Variants in NAV1 observed in about 807,000 individuals in gnomAD.
NAV1 encodes the protein neuron navigator 1, also known as pore membrane and/or filament interacting like protein 3.
Under a neutral mutation model 175.2 loss-of-function variants are expected in NAV1, and 18 were observed. The ratio of observed to expected loss-of-function variants is 0.10; its 90% CI spans 0.07 to 0.15. The LOEUF (loss-of-function observed/expected upper bound fraction) is 0.15, where lower values mean the gene tolerates loss of function less well. Ranked by LOEUF, NAV1 falls within the 10% of genes least tolerant of loss-of-function variation. The pLI, the probability that NAV1 is intolerant of heterozygous loss-of-function variation, is 1.00. For synonymous variants in NAV1, 897 were observed against 978.7 expected, an observed-to-expected ratio of 0.92 and a Z score of 1.56; for missense variants, 1,731 against 2,436.6, an observed-to-expected ratio of 0.71 and a Z score of 6.10.
intron 3 of NAV1, among the ~76,000 whole-genome samples, chr1:201,746,303 G>T (rs896120462): frequency 6.6e-6 from 1 of 152,176 alleles, no homozygotes; most frequent in African/African-American, 2.4e-5. Context: ...ACCACTGTAA[G>T]AGCTAATATA....
At chr1:201,641,505 C>T (rs540904605) in intron 2 of NAV1, among the ~76,000 whole-genome samples, 93 of 152,238 alleles carry the variant, frequency 6.1e-4, no homozygotes, top group African/African-American at 2.2e-3. Context: ...CTCAAAAAGT[C>T]CCTGCTGATA....
Position 201,794,104 on chromosome 1 carries a change from C to T in NAV1, c.3405+229C>T, listed in dbSNP as rs1045904046. The T allele has an allele frequency of 8.7e-6, 6 of 688,010 alleles. No individual in the cohort carries two copies. In the African/African-American group the frequency reaches 1.1e-4, roughly 12 times the overall value. The allele number at this position is 688,010 out of a possible 1,614,324, so 42.6% of individuals were successfully genotyped here. On this transcript the variant is annotated intron_variant, in intron 14 of 29. Coordinates refer to ENST00000367296, the Ensembl canonical transcript of NAV1. ...CAGAATTCCAATGCCTCGCCCATTG[C>T]CTGACACATCATAAGGGCTCAGGGC...
chr1:201,624,336 CTTTTT>C (rs1188885818), intron 1 of NAV1, among the ~76,000 whole-genome samples: 1 of 79,444 alleles, frequency 1.3e-5, no homozygotes, highest in Non-Finnish European at 2.2e-5. Context: ...GTCAACTACG[CTTTTT>C]TTTTTTTTTT....
At chr1:201,588,359 T>A (rs1406372119) in intron 1 of NAV1, among the ~76,000 whole-genome samples, 180 bp from the exon 2 acceptor site, 1 of 152,122 alleles carries the variant, frequency 6.6e-6, no homozygotes, top group African/African-American at 2.4e-5. Flanking sequence ...TGTTTGTTTG[T>A]TTTTAAGAGA....
At chr1:201,644,964 A>C (rs192529724), upstream of NAV1, among the ~76,000 whole-genome samples, 1 of 152,272 alleles carries the variant, frequency 6.6e-6, no homozygotes, top group East Asian at 1.9e-4. Flanking sequence ...GAGGGGGCAT[A>C]AGGTGACAAG....
At chr1:201,823,202 G>A (rs569992404) in exon 30 of NAV1, 1 of 152,732 alleles carries the variant, frequency 6.5e-6, no homozygotes, top group East Asian at 1.9e-4. Flanking sequence ...CAACCAATGG[G>A]GAGAGCCACA....
intron 1 of NAV1, among the ~76,000 whole-genome samples, chr1:201,572,370 C>CTTTCTT (rs1209964145): frequency 1.5e-5 from 2 of 136,466 alleles, no homozygotes; most frequent in African/African-American, 5.5e-5. Context: ...TTCTTTCTTT[C>CTTTCTT]TTTTTTTTTT....
exon 1 of NAV1, chr1:201,623,139 G>A: frequency 3.0e-6 from 3 of 986,054 alleles, no homozygotes; most frequent in Non-Finnish European, 3.6e-6. Context: ...CTGGGGCGGT[G>A]AGGGAGTCAG....
intron 17 of NAV1, among the ~76,000 whole-genome samples, chr1:201,805,449 ACTGT>A (rs771424880): frequency 3.5e-4 from 54 of 152,304 alleles, no homozygotes; most frequent in South Asian, 6.2e-4. Context: ...CTACACAGAC[ACTGT>A]CTGTGCAGAA....
chr1:201,780,657 A>G, intron 4 of NAV1, 98 bp downstream of exon 8: 2 of 1,492,918 alleles, frequency 1.3e-6, no homozygotes, highest in Non-Finnish European at 1.8e-6. Context: ...CACCCACTCC[A>G]TGGGATTGGT....
exon 30 of NAV1, chr1:201,825,568 C>T (rs973274324): frequency 6.6e-6 from 1 of 152,330 alleles, no homozygotes; most frequent in Non-Finnish European, 1.5e-5. Flanking sequence ...CACTTCAGTC[C>T]TTGTGCTCCT....
At chr1:201,784,330 G>T (rs1387123711) in intron 7 of NAV1, among the ~76,000 whole-genome samples, 2 of 152,042 alleles carry the variant, frequency 1.3e-5, no homozygotes, top group Non-Finnish European at 2.9e-5. Context: ...GCTAATTTTT[G>T]TATTTTTAGT....
chr1:201,790,961 G>A (rs1180785603), intron 13 of NAV1, 195 bp downstream of exon 17: 1 of 595,536 alleles, frequency 1.7e-6, no homozygotes, highest in African/African-American at 1.9e-5. Flanking sequence ...CTTTTATGAA[G>A]AACCATTTTG....
At chr1:201,659,275 G>A (rs1473092058) in intron 1 of NAV1, among the ~76,000 whole-genome samples, 1 of 152,182 alleles carries the variant, frequency 6.6e-6, no homozygotes, top group Non-Finnish European at 1.5e-5. Context: ...CTTCCTGAAG[G>A]AGCCGGAAGT....
At chr1:201,747,206 G>T (rs527538782) in intron 3 of NAV1, among the ~76,000 whole-genome samples, 3 of 152,134 alleles carry the variant, frequency 2.0e-5, no homozygotes, top group African/African-American at 7.2e-5. Flanking sequence ...CCCCATTCTC[G>T]TGGCTGTGCG....
exon 21 of NAV1, chr1:201,809,252 C>G (rs1678533005): frequency 6.2e-7 from 1 of 1,613,788 alleles, no homozygotes. Context: ...CGCAGCACAT[C>G]ATCAAAGGGG....
intron 1 of NAV1, among the ~76,000 whole-genome samples, chr1:201,650,386 T>G (rs10920227): frequency 6.6e-6 from 1 of 152,100 alleles, no homozygotes; most frequent in Non-Finnish European, 1.5e-5. Flanking sequence ...ACGGGCCCTC[T>G]TGGGGCCACG....
At chr1:201,590,044 C>A (rs928710150) in intron 2 of NAV1, among the ~76,000 whole-genome samples, 1 of 152,166 alleles carries the variant, frequency 6.6e-6, no homozygotes, top group Admixed American at 6.5e-5. Context: ...AGGTGCGCAC[C>A]ATCATACCCA....
chr1:201,627,079 C>CT (rs1230047751), intron 1 of NAV1, among the ~76,000 whole-genome samples: 1 of 152,262 alleles, frequency 6.6e-6, no homozygotes, highest in Admixed American at 6.5e-5. Context: ...GTAACTATTT[C>CT]TTTTTTTGTT....
Sources: allele counts gnomAD v4.1 joint callset (sites outside exome capture counted in the v4.1 genomes callset), GRCh38; gene constraint gnomAD v4.1.1; transcripts MANE v1.5; gene names NCBI Gene and HGNC (gene_info 2026-07-23, HGNC 2026-07-21).